C1orf21: variants seen among roughly 807,000 people sequenced by gnomAD.
The protein encoded by C1orf21 is uncharacterized protein C1orf21.
A neutral mutation model predicts 18.7 loss-of-function variants in C1orf21; 3 were observed. That is an observed-to-expected ratio of 0.16 (90% confidence interval 0.07 to 0.42). The LOEUF (loss-of-function observed/expected upper bound fraction) is 0.42. Ranked by LOEUF, C1orf21 falls within the 10% of genes least tolerant of loss-of-function variation. C1orf21 has a pLI of 0.99. For synonymous variants in C1orf21, 41 were observed against 46.4 expected (o/e 0.88, Z 0.47); for missense variants, 104 against 143.6 (o/e 0.72, Z 1.41).
intron 2 of C1orf21, among the ~76,000 whole-genome samples, chr1:184,488,196 T>C (rs986918973): frequency 2.6e-5 from 4 of 152,238 alleles, no homozygotes; most frequent in Admixed American, 6.5e-5. Flanking sequence ...TTCTGTACTG[T>C]GTAAGATGTA....
At chr1:184,617,599 C>T (rs1038392776) in intron 5 of C1orf21, among the ~76,000 whole-genome samples, 1 of 152,196 alleles carries the variant, frequency 6.6e-6, no homozygotes, top group Non-Finnish European at 1.5e-5. Flanking sequence ...ACCAGGGAGG[C>T]TGCCCATGGG....
chr1:184,562,786 G>C (rs1558003471), intron 3 of C1orf21, among the ~76,000 whole-genome samples: 1 of 151,002 alleles, frequency 6.6e-6, no homozygotes, highest in Non-Finnish European at 1.5e-5. Flanking sequence ...TTGTGTAGAT[G>C]TAGGCACTGT....
At chr1:184,402,363 G>A (rs903007004) in intron 1 of C1orf21, among the ~76,000 whole-genome samples, 10 of 130,598 alleles carry the variant, frequency 7.7e-5, no homozygotes, top group African/African-American at 4.2e-4. Context: ...ATCACAAACC[G>A]CTTATTAAAA....
intron 2 of C1orf21, among the ~76,000 whole-genome samples, chr1:184,503,597 T>C (rs1460885536): frequency 6.6e-6 from 1 of 152,068 alleles, no homozygotes; most frequent in Non-Finnish European, 1.5e-5. Context: ...ATGAGGACAG[T>C]GTAGAAGTAA....
Position 184,590,752 on chromosome 1 carries a change from G to C in C1orf21, c.203G>C (p.Ser68Thr), listed in dbSNP as rs1659425326. The change falls in exon 4 of 6, where the codon AGC (serine) becomes ACC (threonine). Residue 68 changes from serine to threonine, a missense_variant. Ser to Thr is a moderately conservative substitution (Grantham distance 58, BLOSUM62 1). Transcript: ENST00000235307. ...RNQENLEKSA[S>T]SNVRLKTNKE... ...TATGTGTTTCAGGAAAAAAGTGCCA[G>C]CTCAAATGTAAGACTTAAAACTAAT... is the stretch of plus-strand genomic sequence containing the variant. 1.9e-6 allele frequency: 3 copies of C among 1,613,774 alleles called. No individual in the cohort carries two copies. Among genetic ancestry groups the C allele is most frequent in the Admixed American group, 3.3e-5 (2 of 59,996 alleles).
At chr1:184,468,344 C>T (rs1467594854) in intron 1 of C1orf21, among the ~76,000 whole-genome samples, 1 of 151,938 alleles carries the variant, frequency 6.6e-6, no homozygotes, top group Admixed American at 6.6e-5. Flanking sequence ...AGAGAAGGAT[C>T]TTAGGTCACA....
At chr1:184,419,271 A>G (rs910571296) in intron 1 of C1orf21, among the ~76,000 whole-genome samples, 2 of 152,238 alleles carry the variant, frequency 1.3e-5, no homozygotes, top group Non-Finnish European at 2.9e-5. Context: ...ATGAGAAGAC[A>G]TGTAAAACGA....
At chr1:184,563,018 T>C (rs1658987721) in intron 3 of C1orf21, among the ~76,000 whole-genome samples, 1 of 152,240 alleles carries the variant, frequency 6.6e-6, no homozygotes. Context: ...CCTAGTCCTG[T>C]GTATTTTCTG....
chr1:184,396,070 C>A (rs974061654), intron 1 of C1orf21, among the ~76,000 whole-genome samples: 1 of 152,042 alleles, frequency 6.6e-6, no homozygotes, highest in African/African-American at 2.4e-5. Flanking sequence ...TGACGTGGAG[C>A]CATGTGGTTA....
At chr1:184,523,011 G>T (rs1658326002) in intron 3 of C1orf21, among the ~76,000 whole-genome samples, 2 of 152,162 alleles carry the variant, frequency 1.3e-5, no homozygotes, top group African/African-American at 4.8e-5. Flanking sequence ...ACTTTATACA[G>T]AGTATAAAAT....
At chr1:184,491,348 CTTT>C (rs558009578) in intron 2 of C1orf21, among the ~76,000 whole-genome samples, 6 of 142,578 alleles carry the variant, frequency 4.2e-5, no homozygotes, top group Admixed American at 7.1e-5. Context: ...TTCCTTCTTT[CTTT>C]TTTTTTTTTT....
intron 5 of C1orf21, among the ~76,000 whole-genome samples, chr1:184,609,049 G>A (rs905222798): frequency 3.9e-5 from 6 of 152,184 alleles, no homozygotes; most frequent in Non-Finnish European, 8.8e-5. Context: ...GGAAGGGAAG[G>A]TGAGCCCTGT....
chr1:184,489,001 C>A (rs1449902132), intron 2 of C1orf21, among the ~76,000 whole-genome samples: 1 of 151,980 alleles, frequency 6.6e-6, no homozygotes, highest in Non-Finnish European at 1.5e-5. Context: ...AAAAGTACTA[C>A]AAAAAACGCA....
At chr1:184,593,536 C>T (rs142944382) in intron 4 of C1orf21, among the ~76,000 whole-genome samples, 10 of 152,260 alleles carry the variant, frequency 6.6e-5, no homozygotes, top group Non-Finnish European at 1.3e-4. Context: ...GGCATGTCAT[C>T]CTCATACCTT....
chr1:184,416,003 C>G (rs773529215), intron 1 of C1orf21, among the ~76,000 whole-genome samples: 1 of 131,928 alleles, frequency 7.6e-6, no homozygotes, highest in Non-Finnish European at 1.5e-5. Context: ...TTAGTGAAAA[C>G]AATTTGGATA....
intron 3 of C1orf21, among the ~76,000 whole-genome samples, chr1:184,520,455 G>A (rs1191765673): frequency 6.6e-6 from 1 of 152,170 alleles, no homozygotes; most frequent in East Asian, 1.9e-4. Flanking sequence ...ACATTATCAG[G>A]CCAGGTTTCC....
At chr1:184,448,589 C>A (rs1349112490) in intron 1 of C1orf21, among the ~76,000 whole-genome samples, 1 of 152,216 alleles carries the variant, frequency 6.6e-6, no homozygotes, top group Non-Finnish European at 1.5e-5. Flanking sequence ...CCTAGTACTG[C>A]AGGCATGAGC....
At chr1:184,608,310 GA>G (rs1261168630) in intron 5 of C1orf21, among the ~76,000 whole-genome samples, 3 of 152,158 alleles carry the variant, frequency 2.0e-5, no homozygotes, top group Non-Finnish European at 2.9e-5. Context: ...GTGTCAAATA[GA>G]AAAAACAAAG....
intron 1 of C1orf21, among the ~76,000 whole-genome samples, chr1:184,457,822 G>A (rs1657244101): frequency 6.6e-6 from 1 of 152,158 alleles, no homozygotes; most frequent in Non-Finnish European, 1.5e-5. Context: ...AGTATAAAGA[G>A]CATTTAGGAA....
Sources: gnomAD v4.1 joint callset for allele counts (sites outside exome capture counted in the v4.1 genomes callset) on GRCh38, gnomAD v4.1.1 for gene constraint, MANE v1.5 for transcripts, NCBI Gene and HGNC (gene_info 2026-07-23, HGNC 2026-07-21) for gene names.